Variants in ASXL2 observed in about 807,000 individuals in gnomAD.
ASXL2 encodes the protein ASXL transcriptional regulator 2.
Under a neutral mutation model 122.0 loss-of-function variants are expected in ASXL2, and 23 were observed. The observed-to-expected ratio is 0.19, with a 90% CI of 0.14 to 0.27. The LOEUF (loss-of-function observed/expected upper bound fraction) is 0.27. Ranked by LOEUF, ASXL2 falls within the 10% of genes least tolerant of loss-of-function variation. The probability of loss-of-function intolerance (pLI) is 1.00; values close to 1 mark genes in which losing one functional copy is unlikely to be tolerated. For synonymous variants in ASXL2, 650 were observed against 637.0 expected (o/e 1.02, Z -0.31); for missense variants, 1,518 against 1,713.8 (o/e 0.89, Z 2.02).
At chr2:25,873,213 T>A (rs2089977357) in intron 1 of ASXL2, among the ~76,000 whole-genome samples, 1 of 152,116 alleles carries the variant, frequency 6.6e-6, no homozygotes, top group African/African-American at 2.4e-5. Context: ...TCTCACTAAT[T>A]TTTATGTAAT....
chr2:25,832,261 ACACTT>A (rs2089463632), intron 3 of ASXL2, among the ~76,000 whole-genome samples: 1 of 152,242 alleles, frequency 6.6e-6, no homozygotes, highest in Admixed American at 6.5e-5. Context: ...TACGGTTTCC[ACACTT>A]CACTTAGAGT....
At chr2:25,815,023 A>T (rs1362068413) in intron 3 of ASXL2, among the ~76,000 whole-genome samples, 2 of 152,194 alleles carry the variant, frequency 1.3e-5, no homozygotes, top group Admixed American at 6.5e-5. Flanking sequence ...AAGATTCAGT[A>T]ACTACAGCAG....
chr2:25,756,262 CTG>C (rs1202818982), intron 9 of ASXL2, 148 bp from the exon 10 acceptor site: 7 of 399,882 alleles, frequency 1.8e-5, no homozygotes, highest in Non-Finnish European at 3.0e-5. Context: ...TTATCCAACT[CTG>C]TTATTTAATG....
intron 5 of ASXL2, among the ~76,000 whole-genome samples, chr2:25,788,773 T>C (rs2088787725): frequency 1.3e-5 from 2 of 152,202 alleles, no homozygotes; most frequent in Admixed American, 1.3e-4. Flanking sequence ...CATTTTTCTA[T>C]GAATTCTCTT....
chr2:25,748,272 G>A (rs1168798265), intron 12 of ASXL2, among the ~76,000 whole-genome samples: 1 of 151,380 alleles, frequency 6.6e-6, no homozygotes, highest in African/African-American at 2.4e-5. Flanking sequence ...GCAGAGGAGG[G>A]CAGATGACTT....
chr2:25,855,412 T>C (rs967122994), intron 1 of ASXL2, among the ~76,000 whole-genome samples: 1 of 152,148 alleles, frequency 6.6e-6, no homozygotes, highest in Non-Finnish European at 1.5e-5. Context: ...CTCATGCCTG[T>C]AATCTCAGCA....
intron 3 of ASXL2, among the ~76,000 whole-genome samples, chr2:25,822,128 A>C (rs565406217): frequency 6.6e-6 from 1 of 152,348 alleles, no homozygotes; most frequent in Admixed American, 6.5e-5. Context: ...TTGAAAGCCC[A>C]AAAATGATAA....
chr2:25,767,530 T>C, intron 8 of ASXL2, 53 bp downstream of exon 8: 3 of 1,575,306 alleles, frequency 1.9e-6, no homozygotes, highest in Non-Finnish European at 2.6e-6. Context: ...ATTTCAAACA[T>C]GTAGCTGATA....
In ASXL2 at chr2:25,759,463, AAGG is replaced by A; in HGVS notation, c.939+16_939+18del. 1 of 1,609,996 alleles carries A rather than the reference AAGG, an allele frequency of 6.2e-7. No homozygotes were observed. The highest frequency in any genetic ancestry group is 2.2e-5 in the East Asian group (1 of 44,830). ...CATAAACAGCTATTTTTAAAATCTT[AAGG>A]AGTTCAATGACGCACCTGTCGATCT... On this transcript the variant is annotated intron_variant, in intron 9 of 12. Coordinates refer to ENST00000435504, the MANE Select transcript of ASXL2 (RefSeq NM_018263.6).
chr2:25,858,963 G>GTA (rs2089814547), intron 1 of ASXL2, among the ~76,000 whole-genome samples: 1 of 151,166 alleles, frequency 6.6e-6, no homozygotes, highest in Non-Finnish European at 1.5e-5. Flanking sequence ...ACAGGCGCCT[G>GTA]CCACCACACC....
chr2:25,840,738 A>G (rs1215763314), intron 2 of ASXL2, among the ~76,000 whole-genome samples: 1 of 152,236 alleles, frequency 6.6e-6, no homozygotes, highest in Non-Finnish European at 1.5e-5. Flanking sequence ...CATTGTATGC[A>G]TATACCTTAT....
intron 3 of ASXL2, among the ~76,000 whole-genome samples, chr2:25,806,570 C>G (rs1262669561): frequency 6.6e-6 from 1 of 152,142 alleles, no homozygotes; most frequent in Non-Finnish European, 1.5e-5. Flanking sequence ...GATCCAGTAT[C>G]TAACATTTAA....
rs1266235197 is a variant in ASXL2, at chr2:25,759,596, G to A, written c.825C>T (p.Asp275=). The A allele has an allele frequency of 6.2e-7, 1 of 1,613,778 alleles. No homozygotes were observed. Among genetic ancestry groups the A allele is most frequent in the Non-Finnish European group, 8.5e-7 (1 of 1,179,742 alleles). Residue 275 remains aspartate, a synonymous_variant, in exon 9 of 13, where the codon GAC becomes GAT. Coordinates refer to ENST00000435504, the MANE Select transcript of ASXL2 (RefSeq NM_018263.6). ...KCADIDVETP[D]SILVNTNLRA... is the part of the protein sequence containing the mutation. ...GCAGATTTGTATTAACCAGAATGGA[G>A]TCCGGTGTCTCAACGTCAATGTCAG...
At chr2:25,764,022 A>T (rs2149149988) in intron 8 of ASXL2, among the ~76,000 whole-genome samples, 1 of 152,378 alleles carries the variant, frequency 6.6e-6, no homozygotes, top group South Asian at 2.1e-4. Flanking sequence ...GGGACAAAGA[A>T]TAAATTACAA....
At chr2:25,745,641 CTTTTTTTT>C (rs59530493) in intron 12 of ASXL2, among the ~76,000 whole-genome samples, 19 of 75,676 alleles carry the variant, frequency 2.5e-4, no homozygotes, top group African/African-American at 9.4e-4. Flanking sequence ...TGATTTCCTT[CTTTTTTTT>C]TTTTTTTTTT....
At chr2:25,748,831 G>A (rs1482916562) in intron 12 of ASXL2, among the ~76,000 whole-genome samples, 2 of 152,202 alleles carry the variant, frequency 1.3e-5, no homozygotes, top group African/African-American at 2.4e-5. Flanking sequence ...TATTAAGACA[G>A]TCAAAGATAC....
chr2:25,762,666 A>G (rs1332164927), intron 8 of ASXL2, among the ~76,000 whole-genome samples: 8 of 37,684 alleles, frequency 2.1e-4, no homozygotes, highest in East Asian at 1.5e-3. Context: ...CTCTTTCTCG[A>G]AAAAAAAAAA....
chr2:25,736,784 T>A lies in ASXL2; in HGVS notation c.*5245A>T, dbSNP rs1241872652. ...AAGTCAGTTTTATGGGTCATCAAGA[T>A]ACACTCTCGAAAATCTGACCTTAAC... On this transcript the variant is annotated 3_prime_UTR_variant, in exon 13 of 13. Transcript: ENST00000435504. The A allele has an allele frequency of 6.6e-6, 1 of 152,214 alleles. No individual in the cohort carries two copies. The highest frequency in any genetic ancestry group is 1.9e-4 in the East Asian group (1 of 5,204). 9.4% of individuals were successfully genotyped at this position (152,214 alleles called of 1,614,324 possible). A position where few individuals can be genotyped will look rare whatever the true frequency, so the allele number is the denominator to read the frequency against.
intron 4 of ASXL2, among the ~76,000 whole-genome samples, chr2:25,802,146 C>T (rs890964180): frequency 3.3e-5 from 5 of 152,210 alleles, no homozygotes; most frequent in Admixed American, 1.3e-4. Flanking sequence ...CTTCTTACTA[C>T]TTATCTGACA....
Sources: gnomAD v4.1 joint callset for allele counts (sites outside exome capture counted in the v4.1 genomes callset) on GRCh38, gnomAD v4.1.1 for gene constraint, MANE v1.5 for transcripts, NCBI Gene and HGNC (gene_info 2026-07-23, HGNC 2026-07-21) for gene names.